The following NKAIN3 variants were observed in gnomAD, a reference collection of about 807,000 sequenced individuals.
NKAIN3 encodes the protein sodium/potassium transporting ATPase interacting 3.
Under a neutral mutation model 30.2 loss-of-function variants are expected in NKAIN3, and 25 were observed. The ratio of observed to expected loss-of-function variants is 0.83; its 90% CI spans 0.60 to 1.16. NKAIN3 has a LOEUF of 1.16. Ranked by LOEUF, NKAIN3 falls within the 50% of genes most tolerant of loss-of-function variation. The pLI is 0.00. For missense variants in NKAIN3, 225 were observed against 254.1 expected (o/e 0.89, Z 0.78); for synonymous variants, 91 against 89.6 (o/e 1.02, Z -0.09).
intron 3 of NKAIN3, among the ~76,000 whole-genome samples, chr8:62,713,796 T>C (rs1814804340): frequency 6.6e-6 from 1 of 152,278 alleles, no homozygotes; most frequent in African/African-American, 2.4e-5. Flanking sequence ...ATAATGCAAA[T>C]GGAGTTTTAG....
intron 1 of NKAIN3, among the ~76,000 whole-genome samples, chr8:62,423,429 A>G (rs1400276645): frequency 1.3e-5 from 2 of 149,256 alleles, no homozygotes; most frequent in South Asian, 2.1e-4. Flanking sequence ...TTCATATTAT[A>G]TATATATATA....
chr8:62,702,693 TATTC>T (rs1269446528), intron 3 of NKAIN3, among the ~76,000 whole-genome samples: 1 of 152,196 alleles, frequency 6.6e-6, no homozygotes, highest in African/African-American at 2.4e-5. Context: ...ATGCTATCCT[TATTC>T]ACAGATCTAT....
chr8:62,848,572 G>A (rs574902136), intron 4 of NKAIN3, among the ~76,000 whole-genome samples: 9 of 152,188 alleles, frequency 5.9e-5, no homozygotes, highest in Middle Eastern at 3.4e-3. Context: ...CTTCTTGGCC[G>A]AGACGATGGG....
At chr8:62,993,041 T>G (rs1425545272) in intron 5 of NKAIN3, among the ~76,000 whole-genome samples, 1 of 145,154 alleles carries the variant, frequency 6.9e-6, no homozygotes, top group Non-Finnish European at 1.5e-5. Flanking sequence ...CTGAAGGTTT[T>G]GTTTTGTTTT....
At chr8:62,380,968 T>C (rs1817257861) in intron 1 of NKAIN3, among the ~76,000 whole-genome samples, 1 of 152,182 alleles carries the variant, frequency 6.6e-6, no homozygotes, top group South Asian at 2.1e-4. Context: ...ATGGGGACTT[T>C]ATAATTTACT....
chr8:62,706,210 G>T (rs1814514974), intron 3 of NKAIN3, among the ~76,000 whole-genome samples: 1 of 152,096 alleles, frequency 6.6e-6, no homozygotes, highest in Non-Finnish European at 1.5e-5. Flanking sequence ...TATTCAGTAT[G>T]CATCTGATGA....
At chr8:62,372,895 T>G (rs536606127) in intron 1 of NKAIN3, among the ~76,000 whole-genome samples, 163 of 152,228 alleles carry the variant, frequency 1.1e-3, no homozygotes, top group African/African-American at 3.8e-3. Flanking sequence ...TTTTTAAAAA[T>G]TATATTTTCT....
intron 1 of NKAIN3, among the ~76,000 whole-genome samples, chr8:62,452,230 C>A (rs1805663496): frequency 6.6e-6 from 1 of 152,146 alleles, no homozygotes; most frequent in Non-Finnish European, 1.5e-5. Flanking sequence ...AATCCCAGCA[C>A]TTTGGGAGGC....
chr8:62,963,707 T>C (rs1168111898), intron 6 of NKAIN3, among the ~76,000 whole-genome samples: 3 of 152,090 alleles, frequency 2.0e-5, no homozygotes, highest in South Asian at 2.1e-4. Flanking sequence ...GTAGAAAGGG[T>C]AGACATTGAG....
chr8:62,413,241 T>C (rs144153004), intron 1 of NKAIN3, among the ~76,000 whole-genome samples: 187 of 152,332 alleles, frequency 1.2e-3, no homozygotes, highest in Middle Eastern at 3.4e-3. Context: ...TTGGAGATTT[T>C]TCTTAGAGTT....
intron 1 of NKAIN3, among the ~76,000 whole-genome samples, chr8:62,497,807 G>A (rs1177892485): frequency 6.6e-6 from 1 of 152,060 alleles, no homozygotes; most frequent in East Asian, 1.9e-4. Context: ...AAGCCACAGG[G>A]AATTAAGTTT....
chr8:62,617,030 T>G (rs563389957), intron 3 of NKAIN3, among the ~76,000 whole-genome samples: 243 of 152,146 alleles, frequency 1.6e-3, no homozygotes, highest in Non-Finnish European at 7.9e-4. Flanking sequence ...GTGTGGCACC[T>G]TCTCCCTCTC....
At chr8:62,859,524 T>G (rs1820177107) in intron 4 of NKAIN3, among the ~76,000 whole-genome samples, 1 of 23,610 alleles carries the variant, frequency 4.2e-5, no homozygotes, top group Non-Finnish European at 1.4e-4. Context: ...AAAAAAAACT[T>G]CATGGAAGTA....
intron 4 of NKAIN3, among the ~76,000 whole-genome samples, chr8:62,848,119 C>G (rs1586263721): frequency 6.6e-6 from 1 of 152,090 alleles, no homozygotes; most frequent in Non-Finnish European, 1.5e-5. Flanking sequence ...CATTATGCCT[C>G]CAGCTTTGTT....
At chr8:62,341,462 T>TGCCTC (rs1815742451) in intron 1 of NKAIN3, among the ~76,000 whole-genome samples, 1 of 152,142 alleles carries the variant, frequency 6.6e-6, no homozygotes, top group East Asian at 1.9e-4. Flanking sequence ...TCCCCTATTT[T>TGCCTC]ACTGACTGAG....
intron 3 of NKAIN3, among the ~76,000 whole-genome samples, chr8:62,656,460 T>TA (rs1305658734): frequency 6.7e-6 from 1 of 149,310 alleles, no homozygotes; most frequent in Non-Finnish European, 1.5e-5. Context: ...ATAAATAAAA[T>TA]AAAAAATAAA....
At chr8:62,465,360 A>C (rs1806130721) in intron 1 of NKAIN3, among the ~76,000 whole-genome samples, 1 of 152,214 alleles carries the variant, frequency 6.6e-6, no homozygotes, top group Non-Finnish European at 1.5e-5. Context: ...AAATAAAACA[A>C]GAACGTTAAC....
At chr8:62,784,220 T>C (rs748920739) in intron 4 of NKAIN3, among the ~76,000 whole-genome samples, 3 of 152,002 alleles carry the variant, frequency 2.0e-5, no homozygotes, top group African/African-American at 4.8e-5. Context: ...TCACTTCAAG[T>C]AACTAGAAGA....
rs1823889993 is a variant in NKAIN3 at position 62,973,953 on chromosome 8, T to C, written c.*8546T>C. On this transcript the variant is annotated 3_prime_UTR_variant, in exon 7 of 7. Coordinates refer to ENST00000623646, the MANE Select transcript of NKAIN3 (RefSeq NM_001304533.3). Reference sequence around the variant, plus strand: ...TCCCCATTGCTTGTTTTTATCAGGTTTGTCAAAGATCAGATGGTTGTAGAT... The same window carrying C: ...TCCCCATTGCTTGTTTTTATCAGGTCTGTCAAAGATCAGATGGTTGTAGAT... Among the ~76,000 whole-genome samples the C allele has an allele frequency of 6.6e-6, 1 of 152,194 alleles. No individual in the cohort carries two copies. Among genetic ancestry groups the C allele is most frequent in the Non-Finnish European group, 1.5e-5 (1 of 68,026 alleles).
Sources: allele counts gnomAD v4.1 joint callset (sites outside exome capture counted in the v4.1 genomes callset), GRCh38; gene constraint gnomAD v4.1.1; transcripts MANE v1.5; gene names NCBI Gene and HGNC (gene_info 2026-07-23, HGNC 2026-07-21).